OSBPL5: variants seen among roughly 807,000 people sequenced by gnomAD.
OSBPL5 encodes the protein oxysterol binding protein like 5, also known as oxysterol-binding protein-related protein 5.
In OSBPL5, 71 loss-of-function variants were observed where a neutral mutation model predicts 111.2. That is an observed-to-expected ratio of 0.64 (90% CI 0.53 to 0.78). OSBPL5 has a LOEUF of 0.78. OSBPL5 is among the 30% of genes least tolerant of loss of function. OSBPL5 has a pLI of 0.00. For synonymous variants in OSBPL5, 549 were observed against 513.9 expected (o/e 1.07, Z -0.93); for missense variants, 1,210 against 1,189.3 (o/e 1.02, Z -0.26).
In OSBPL5 at chr11:3,107,726, G is replaced by A. The variant is rs1376932719; in HGVS notation, c.866+45C>T. ...CTCCCCTCTTCCTCGCCTACAAGGA[G>A]ACCCCGTGAATCACCACCAGCCCCT... On this transcript the variant is annotated intron_variant, in intron 8 of 21. Coordinates refer to ENST00000263650, the MANE Select transcript of OSBPL5 (RefSeq NM_020896.4). This position sits in a 1 kb window ranked among gnomAD's most constrained non-coding sequence, Gnocchi z 6.1. 6.3e-7 allele frequency: 1 copy of A among 1,599,138 alleles called. No homozygotes were observed. Among genetic ancestry groups the A allele is most frequent in the South Asian group, 1.1e-5 (1 of 90,792 alleles).
At chr11:3,135,065 A>G (rs2134496070) in intron 1 of OSBPL5, among the ~76,000 whole-genome samples, 1 of 152,152 alleles carries the variant, frequency 6.6e-6, no homozygotes, top group South Asian at 2.1e-4. Flanking sequence ...TTCCTCGGAG[A>G]CCCAGCCCCT....
chr11:3,122,183 CCAGGGG>C (rs1381745435), intron 4 of OSBPL5, 85 bp from the exon 5 acceptor site: 2 of 1,426,252 alleles, frequency 1.4e-6, no homozygotes, highest in African/African-American at 1.4e-5. Flanking sequence ...AGGGATGGGT[CCAGGGG>C]CAGGGGCAGG....
At position 3,110,552 on chromosome 11, in the gene OSBPL5, A is replaced by G. The variant is rs1311509379; in HGVS notation, c.692-2607T>C. Among the ~76,000 whole-genome samples the G allele has an allele frequency of 6.6e-6, 1 of 152,208 alleles. No homozygotes were observed. Among genetic ancestry groups the G allele is most frequent in the African/African-American group, 2.4e-5 (1 of 41,456 alleles). ...GATAACAGTAGAACCTGTTGTTTCA[A>G]TGGTGCCTGGTGTGAAAGGAAAATC... On this transcript the variant is annotated intron_variant, in intron 7 of 21. Coordinates refer to ENST00000263650, the MANE Select transcript of OSBPL5 (RefSeq NM_020896.4). The surrounding 1 kb of genome is among the most constrained non-coding windows in gnomAD (Gnocchi z 5.3).
intron 14 of OSBPL5, 61 bp downstream of exon 14, chr11:3,100,097 G>T: frequency 6.8e-7 from 1 of 1,465,704 alleles, no homozygotes; most frequent in Non-Finnish European, 9.5e-7. Flanking sequence ...AAGGGTTTTA[G>T]CATCTAGCTG....
At position 3,113,546 on chromosome 11, in the gene OSBPL5, T is replaced by C. The variant is rs1564838893; in HGVS notation, c.692-5601A>G. ...GGCAGGCACCTGTAATCCCAGCTAC[T>C]CGTGAGGCTGAGGCAGGAGAATTGC... On this transcript the variant is annotated intron_variant, in intron 7 of 21. Coordinates refer to ENST00000263650, the MANE Select transcript of OSBPL5 (RefSeq NM_020896.4). This position sits in a 1 kb window ranked among gnomAD's most constrained non-coding sequence, Gnocchi z 4.8. Among the ~76,000 whole-genome samples the C allele has an allele frequency of 6.6e-6, 1 of 151,764 alleles. No homozygotes were observed. Among genetic ancestry groups the C allele is most frequent in the Non-Finnish European group, 1.5e-5 (1 of 67,968 alleles).
rs139480958 is a variant in OSBPL5 at position 3,144,571 on chromosome 11, G to A, written c.-21-15402C>T. On this transcript the variant is annotated intron_variant, in intron 1 of 21. Transcript: ENST00000263650. ...CCTGACCCCGTTCCACCGACACTGA[G>A]ACAGCAGACACCGGCCCCAAATTCC... Among the ~76,000 whole-genome samples, 427 of 152,314 alleles carry A rather than the reference G, an allele frequency of 2.8e-3. 1 individual carries two copies. The highest frequency in any genetic ancestry group is 6.4e-3 in the Admixed American group (98 of 15,304).
chr11:3,131,432 CCATCCATCCATCCATCTACCCATT>C (rs1384707127), intron 1 of OSBPL5, among the ~76,000 whole-genome samples: 2 of 146,600 alleles, frequency 1.4e-5, no homozygotes, highest in African/African-American at 5.1e-5. Flanking sequence ...ATCCATCAAT[CCATCCATCCATCCATCTACCCATT>C]CATCCATCCA....
At position 3,129,004 on chromosome 11, in the gene OSBPL5, G is replaced by C; in HGVS notation, c.136+9C>G. On this transcript the variant is annotated intron_variant, in intron 2 of 21. Coordinates refer to ENST00000263650, the MANE Select transcript of OSBPL5 (RefSeq NM_020896.4). ...GGGCCAGGTTGCCCTGCCCACGGCC[G>C]GCACTTACCTGGGCTGAGTGGGTAG... 6.5e-7 allele frequency: 1 copy of C among 1,542,960 alleles called. No individual in the cohort carries two copies. The highest frequency in any genetic ancestry group is 8.7e-7 in the Non-Finnish European group (1 of 1,144,896).
At chr11:3,155,432 C>T (rs1846723954) in intron 1 of OSBPL5, among the ~76,000 whole-genome samples, 1 of 152,132 alleles carries the variant, frequency 6.6e-6, no homozygotes, top group African/African-American at 2.4e-5. Context: ...AGCTCTGCCA[C>T]TCACCCCAGC....
rs1856925432 is a variant in OSBPL5 at position 3,087,915 on chromosome 11, G to T, written c.*290C>A. On this transcript the variant is annotated 3_prime_UTR_variant, in exon 22 of 22. Transcript: ENST00000263650. ...ATGGCAAGTGGAGGCCGGACAGGGGGTGACACGGCAAGATGGCCAGGAGTG... is the reference window on the plus strand; with the variant it reads ...ATGGCAAGTGGAGGCCGGACAGGGGTTGACACGGCAAGATGGCCAGGAGTG... The T allele has an allele frequency of 7.1e-6, 2 of 281,226 alleles. No homozygotes were observed. The highest frequency in any genetic ancestry group is 1.3e-5 in the Non-Finnish European group (2 of 151,736). 17.4% of individuals were successfully genotyped at this position (281,226 alleles called of 1,614,324 possible).
chr11:3,128,615 T>A (rs553306133), intron 2 of OSBPL5, among the ~76,000 whole-genome samples: 32 of 152,212 alleles, frequency 2.1e-4, no homozygotes, highest in African/African-American at 7.7e-4. Flanking sequence ...ATTGTCCCAT[T>A]TTATAGATCA....
rs191795246 is a variant in OSBPL5, at chr11:3,129,835, G to A, written c.-21-666C>T. Among the ~76,000 whole-genome samples the A allele has an allele frequency of 7.2e-5, 11 of 152,352 alleles. No individual in the cohort carries two copies. In the East Asian group the frequency reaches 1.2e-3, roughly 16 times the overall value. On this transcript the variant is annotated intron_variant, in intron 1 of 21. Transcript: ENST00000263650. ...CCTGCGTCCACGCCCAGCCCAAGACGTTGCATTCCCAGTGGGAGCTTCCTT... is the reference window on the plus strand; with the variant it reads ...CCTGCGTCCACGCCCAGCCCAAGACATTGCATTCCCAGTGGGAGCTTCCTT...
chr11:3,104,290 C>G lies in OSBPL5; in HGVS notation c.1147G>C (p.Asp383His). The change falls in exon 10 of 22, where the codon GAC becomes CAC. Residue 383 changes from aspartate (D) to histidine (H), a missense_variant. Physicochemically the swap from Asp to His is moderately conservative, Grantham distance 81. Coordinates refer to ENST00000263650, the MANE Select transcript of OSBPL5 (RefSeq NM_020896.4). This position sits in a 1 kb window ranked among gnomAD's most constrained non-coding sequence, Gnocchi z 5.0. The stretch of plus-strand genomic sequence containing the variant: ...GTGGGTAGCACCACGCGGGACAGGT[C>G]CATGCCTGGCCGTAGCTGCTTCAGC... The part of the protein sequence containing the change: ...TLLKQLRPGM[D>H]LSRVVLPTFV... 8 of 1,613,818 alleles carry G rather than the reference C, an allele frequency of 5.0e-6. No individual in the cohort carries two copies. Among genetic ancestry groups the G allele is most frequent in the Non-Finnish European group, 6.8e-6 (8 of 1,179,994 alleles).
chr11:3,102,368 G>T, intron 11 of OSBPL5, 87 bp from the exon 12 acceptor site: 2 of 1,243,710 alleles, frequency 1.6e-6, no homozygotes, highest in African/African-American at 1.5e-5. Flanking sequence ...CGGAGGGGCA[G>T]CGTGGGTGGG....
At chr11:3,134,509 C>T (rs1450983819) in intron 1 of OSBPL5, among the ~76,000 whole-genome samples, 1 of 152,208 alleles carries the variant, frequency 6.6e-6, no homozygotes, top group Non-Finnish European at 1.5e-5. Flanking sequence ...AGGGCTGGCC[C>T]CCCAGCCCCT....
At chr11:3,120,348 T>C in intron 6 of OSBPL5, 73 bp downstream of exon 6, 1 of 1,531,354 alleles carries the variant, frequency 6.5e-7, no homozygotes, top group East Asian at 2.4e-5. Context: ...GGCTCCACCC[T>C]CCACCAGGGC....
chr11:3,141,473 G>C lies in OSBPL5; in HGVS notation c.-21-12304C>G, dbSNP rs1846113089. ...CCCCCAATCTGTCTCTCAGGAAATG[G>C]GGGGGGTCTCAAACAGAAGGACCCC... is the stretch of plus-strand genomic sequence containing the variant. On this transcript the variant is annotated intron_variant, in intron 1 of 21. Coordinates refer to ENST00000263650, the MANE Select transcript of OSBPL5 (RefSeq NM_020896.4). The surrounding 1 kb of genome is among the most constrained non-coding windows in gnomAD (Gnocchi z 6.5). Among the ~76,000 whole-genome samples the C allele has an allele frequency of 6.6e-6, 1 of 151,980 alleles. No individual in the cohort carries two copies. The highest frequency in any genetic ancestry group is 1.9e-4 in the East Asian group (1 of 5,180).
intron 12 of OSBPL5, 44 bp downstream of exon 12, chr11:3,102,139 A>G: frequency 1.4e-6 from 2 of 1,465,436 alleles, no homozygotes; most frequent in East Asian, 2.5e-5. Flanking sequence ...GCCCCGCCCC[A>G]TAGAGCCCAG....
intron 7 of OSBPL5, among the ~76,000 whole-genome samples, chr11:3,117,272 C>T (rs1415193762): frequency 2.6e-5 from 4 of 152,206 alleles, no homozygotes; most frequent in Admixed American, 1.3e-4. Flanking sequence ...AGTCCCTGTA[C>T]AGGGTTCCTG....
Sources: allele counts gnomAD v4.1 joint callset (sites outside exome capture counted in the v4.1 genomes callset), GRCh38; gene constraint gnomAD v4.1.1; non-coding constraint Gnocchi (gnomAD v3.1); transcripts MANE v1.5; gene names NCBI Gene and HGNC (gene_info 2026-07-23, HGNC 2026-07-21).